The following FUT8 variants were observed in gnomAD, a reference collection of about 807,000 sequenced individuals.
FUT8 encodes the protein alpha-(1,6)-fucosyltransferase.
In FUT8, 29 loss-of-function variants were observed where a neutral mutation model predicts 71.3. That is an observed-to-expected ratio of 0.41 (90% confidence interval 0.30 to 0.55). The LOEUF (loss-of-function observed/expected upper bound fraction) is 0.55, where lower values mean the gene tolerates loss of function less well. Among genes scored for constraint, FUT8 ranks in the 20% least tolerant of loss-of-function variants. FUT8 has a pLI of 0.34. For missense variants in FUT8, 544 were observed against 702.1 expected (o/e 0.77, Z 2.55); for synonymous variants, 254 against 239.3 (o/e 1.06, Z -0.57).
At chr14:65,657,952 T>A (rs189913859) in intron 6 of FUT8, among the ~76,000 whole-genome samples, 158 of 152,056 alleles carry the variant, frequency 1.0e-3, no homozygotes, top group Middle Eastern at 3.4e-3. Flanking sequence ...TCAAAAAAAT[T>A]AAAAATTAAA....
At chr14:65,390,516 CA>C in the FUT8 span, among the ~76,000 whole-genome samples, 14 of 151,540 alleles carry the variant, frequency 9.2e-5, no homozygotes, top group African/African-American at 3.2e-4. Context: ...TCAAAAAATG[CA>C]GCTACTAGAT....
At chr14:65,699,977 C>T (rs908035923) in intron 7 of FUT8, among the ~76,000 whole-genome samples, 6 of 152,150 alleles carry the variant, frequency 3.9e-5, no homozygotes, top group Non-Finnish European at 8.8e-5. Context: ...TCTTCTTATA[C>T]TTTTCTGGTT....
intron 3 of FUT8, among the ~76,000 whole-genome samples, chr14:65,572,928 C>T (rs936546695): frequency 1.3e-5 from 2 of 152,106 alleles, no homozygotes; most frequent in African/African-American, 4.8e-5. Flanking sequence ...ATGTGAATAG[C>T]ATTTTCTTCA....
chr14:65,475,860 G>A (rs1287769102), intron 2 of FUT8, among the ~76,000 whole-genome samples: 1 of 152,114 alleles, frequency 6.6e-6, no homozygotes, highest in Non-Finnish European at 1.5e-5. Context: ...CAACCTCCTT[G>A]TAGGGGGTGA....
At chr14:65,579,952 A>G (rs1206331606) in intron 3 of FUT8, among the ~76,000 whole-genome samples, 1 of 152,016 alleles carries the variant, frequency 6.6e-6, no homozygotes, top group Non-Finnish European at 1.5e-5. Flanking sequence ...GTAATACCCT[A>G]TTCTGATCCT....
intron 10 of FUT8, among the ~76,000 whole-genome samples, chr14:65,740,122 C>G (rs535465785): frequency 6.6e-6 from 1 of 151,986 alleles, no homozygotes; most frequent in Non-Finnish European, 1.5e-5. Context: ...TCTTTTTGAT[C>G]CCTATTTTAT....
At chr14:65,468,408 T>TA (rs1555363290) in intron 2 of FUT8, 3 of 409,304 alleles carry the variant, frequency 7.3e-6, no homozygotes, top group South Asian at 2.1e-5. Flanking sequence ...TTTTTTTTTT[T>TA]AACACTAAAT....
intron 7 of FUT8, among the ~76,000 whole-genome samples, chr14:65,675,576 T>C (rs1196560751): frequency 1.3e-5 from 2 of 152,192 alleles, no homozygotes; most frequent in East Asian, 3.8e-4. Flanking sequence ...ATGAGTTTTT[T>C]AGCTGTTTAT....
In FUT8 at chr14:65,434,719, A is replaced by G. The variant is rs79667739; in HGVS notation, c.-325-20902A>G. Among the ~76,000 whole-genome samples the G allele has an allele frequency of 5.8e-3, 877 of 152,344 alleles. 33 individuals carry two copies. The East Asian group carries it at 0.093, about 16-fold the overall frequency. ...GTTTTACATTTTATCTTTACAGCTC[A>G]GTGGAGGCAGCTGTATTATCTCCAG... On this transcript the variant is annotated intron_variant, in intron 1 of 10. Coordinates refer to ENST00000673929, the MANE Select transcript of FUT8 (RefSeq NM_001371533.1).
chr14:65,715,015 A>G (rs1894981872), intron 7 of FUT8, among the ~76,000 whole-genome samples: 2 of 152,136 alleles, frequency 1.3e-5, no homozygotes, highest in Admixed American at 1.3e-4. Context: ...GTGTCATATC[A>G]TGTGCAAACA....
intron 6 of FUT8, among the ~76,000 whole-genome samples, chr14:65,635,518 A>G (rs1367405211): frequency 6.6e-6 from 1 of 152,058 alleles, no homozygotes; most frequent in African/African-American, 2.4e-5. Context: ...TTGTATGCCA[A>G]TTTTGCTGAG....
intron 3 of FUT8, among the ~76,000 whole-genome samples, chr14:65,608,929 T>C (rs989833885): frequency 9.9e-5 from 15 of 151,992 alleles, no homozygotes; most frequent in African/African-American, 3.4e-4. Flanking sequence ...ATGAGGTTTT[T>C]TCTTTTTTTT....
intron 2 of FUT8, chr14:65,468,460 A>C (rs2066082204): frequency 3.0e-6 from 1 of 330,176 alleles, no homozygotes; most frequent in South Asian, 3.3e-5. Context: ...TCTGAAGAGA[A>C]AGTTTGATCT....
At chr14:65,369,117 GAACT>G in the FUT8 span, among the ~76,000 whole-genome samples, 8 of 152,116 alleles carry the variant, frequency 5.3e-5, no homozygotes, top group African/African-American at 1.7e-4. This position sits in a 1 kb window ranked among gnomAD's most constrained non-coding sequence, Gnocchi z 4.6. Context: ...CACTTAAAAT[GAACT>G]AACCACATTT....
At chr14:65,389,299 C>G in the FUT8 span, among the ~76,000 whole-genome samples, 1 of 151,972 alleles carries the variant, frequency 6.6e-6, no homozygotes, top group East Asian at 1.9e-4. Context: ...GCCTAAACTT[C>G]CCTGGGCTCA....
At chr14:65,361,138 A>G in the FUT8 span, among the ~76,000 whole-genome samples, 3 of 151,778 alleles carry the variant, frequency 2.0e-5, no homozygotes, top group East Asian at 5.9e-4. Context: ...CAGGCGGATC[A>G]TGAGGTCAGG....
chr14:65,529,011 A>G (rs534761958), intron 2 of FUT8: 15 of 158,192 alleles, frequency 9.5e-5, no homozygotes, highest in African/African-American at 2.4e-4. Context: ...TTGTTATCCT[A>G]ATAGTCTCAC....
chr14:65,490,503 T>C (rs2066466763), intron 2 of FUT8, among the ~76,000 whole-genome samples: 1 of 152,094 alleles, frequency 6.6e-6, no homozygotes. Flanking sequence ...ATGTTGACAT[T>C]ATTACAAGTT....
At chr14:65,726,135 A>T (rs180699609) in intron 9 of FUT8, among the ~76,000 whole-genome samples, 61 of 152,330 alleles carry the variant, frequency 4.0e-4, no homozygotes, top group African/African-American at 1.4e-3. Context: ...AAAACACAAT[A>T]AAAAAATGTA....
Sources: gnomAD v4.1 joint callset for allele counts (sites outside exome capture counted in the v4.1 genomes callset) on GRCh38, gnomAD v4.1.1 for gene constraint, Gnocchi (gnomAD v3.1) non-coding constraint, MANE v1.5 for transcripts, NCBI Gene and HGNC (gene_info 2026-07-23, HGNC 2026-07-21) for gene names.